Variants in PLCH1 observed in about 807,000 individuals in gnomAD.
PLCH1 encodes the protein phospholipase C eta 1.
Under a neutral mutation model 126.7 loss-of-function variants are expected in PLCH1, and 60 were observed. That is an observed-to-expected ratio of 0.47 (90% CI 0.38 to 0.59). The LOEUF (loss-of-function observed/expected upper bound fraction) is 0.59. PLCH1 is among the 20% of genes least tolerant of loss of function. The pLI is 0.00. For synonymous variants in PLCH1, 719 were observed against 734.9 expected (o/e 0.98, Z 0.35); for missense variants, 1,723 against 2,040.0 (o/e 0.84, Z 2.99).
intron 2 of PLCH1, among the ~76,000 whole-genome samples, chr3:155,618,209 G>A (rs1237138450): frequency 6.6e-6 from 1 of 152,106 alleles, no homozygotes; most frequent in Admixed American, 6.6e-5. Flanking sequence ...TTCTAGTCTT[G>A]TCTCGTTTTT....
chr3:155,561,187 T>C (rs1727543707), intron 8 of PLCH1, among the ~76,000 whole-genome samples: 1 of 151,908 alleles, frequency 6.6e-6, no homozygotes, highest in African/African-American at 2.4e-5. Context: ...ATTGTGCAGG[T>C]TAGTTACATA....
Position 155,684,897 on chromosome 3 carries a change from T to C in PLCH1, c.79+19249A>G, listed in dbSNP as rs534906681. ...GCAGTGTCTCCTTACCTCTTTAGCCTTTCTTCTCATATTATTTCCCCCTAA... is the reference window on the plus strand; with the variant it reads ...GCAGTGTCTCCTTACCTCTTTAGCCCTTCTTCTCATATTATTTCCCCCTAA... On this transcript the variant is annotated intron_variant, in intron 2 of 22. Coordinates refer to ENST00000460012, the MANE Select transcript of PLCH1 (RefSeq NM_014996.4). Among the ~76,000 whole-genome samples the C allele has an allele frequency of 4.7e-4, 71 of 152,340 alleles. No homozygotes were observed. The South Asian group carries it at 5.2e-3, about 11-fold the overall frequency.
intron 2 of PLCH1, among the ~76,000 whole-genome samples, chr3:155,690,956 C>T (rs750208745): frequency 3.3e-5 from 5 of 152,160 alleles, no homozygotes; most frequent in African/African-American, 1.2e-4. Context: ...ACTCTTAGCC[C>T]TCACCCCTAG....
chr3:155,633,609 A>G (rs541729849), intron 2 of PLCH1, among the ~76,000 whole-genome samples: 18 of 152,302 alleles, frequency 1.2e-4, no homozygotes, highest in South Asian at 4.1e-4. Flanking sequence ...AATAAATCAA[A>G]AGATAAATTA....
intron 2 of PLCH1, among the ~76,000 whole-genome samples, chr3:155,640,193 C>G (rs568915398): frequency 6.6e-6 from 1 of 152,316 alleles, no homozygotes; most frequent in East Asian, 1.9e-4. Flanking sequence ...AAAGCAGAGA[C>G]AGTCCACAGA....
At chr3:155,590,103 A>G (rs1168440131) in intron 4 of PLCH1, among the ~76,000 whole-genome samples, 1 of 152,172 alleles carries the variant, frequency 6.6e-6, no homozygotes, top group Non-Finnish European at 1.5e-5. Flanking sequence ...TACTGCAGAA[A>G]TAAGTTACGC....
At chr3:155,622,273 G>A (rs1265512984) in intron 2 of PLCH1, among the ~76,000 whole-genome samples, 1 of 152,094 alleles carries the variant, frequency 6.6e-6, no homozygotes, top group Non-Finnish European at 1.5e-5. Context: ...ACTAGACATG[G>A]AAAAGAACAA....
At chr3:155,627,528 G>A (rs1157390716) in intron 2 of PLCH1, among the ~76,000 whole-genome samples, 1 of 151,896 alleles carries the variant, frequency 6.6e-6, no homozygotes, top group Non-Finnish European at 1.5e-5. Flanking sequence ...CAACTACTTG[G>A]GAGGCTGAGG....
intron 2 of PLCH1, among the ~76,000 whole-genome samples, chr3:155,640,035 A>T (rs1314422923): frequency 6.6e-6 from 1 of 152,238 alleles, no homozygotes; most frequent in Admixed American, 6.5e-5. Context: ...CAGCCTGCAG[A>T]ACTGTGAGTC....
Position 155,514,876 on chromosome 3 carries a change from C to A in PLCH1, c.1479G>T (p.Gly493=). The A allele has an allele frequency of 6.3e-7, 1 of 1,595,302 alleles. No individual in the cohort carries two copies. The highest frequency in any genetic ancestry group is 1.1e-5 in the South Asian group (1 of 89,084). ...ECKFKLHYSN[G]TTEHQVESFI... ...AAGATTCCACCTGATGCTCAGTGGT[C>A]CCATTACTCTGCAAAGAATTAAGTA... The change falls in exon 12 of 23, where the codon GGG becomes GGT. Residue 493 remains glycine, a synonymous_variant. Transcript: ENST00000460012.
At chr3:155,623,090 G>A (rs1038121915) in intron 2 of PLCH1, among the ~76,000 whole-genome samples, 1 of 152,118 alleles carries the variant, frequency 6.6e-6, no homozygotes, top group Non-Finnish European at 1.5e-5. Flanking sequence ...AATCAAATTA[G>A]AACTCAGGAT....
intron 10 of PLCH1, 113 bp from the exon 11 acceptor site, chr3:155,524,117 G>A: frequency 1.4e-6 from 1 of 718,500 alleles, no homozygotes; most frequent in East Asian, 2.5e-5. Flanking sequence ...AAACGTGTAT[G>A]TACATACAAT....
At position 155,594,001 on chromosome 3, in the gene PLCH1, T is replaced by C; in HGVS notation, c.410A>G (p.Tyr137Cys). The change falls in exon 4 of 23, where the codon TAC becomes TGC. Residue 137 changes from tyrosine (Y) to cysteine (C), a missense_variant. Physicochemically the swap from Tyr to Cys is radical, Grantham distance 194. Coordinates refer to ENST00000460012, the MANE Select transcript of PLCH1 (RefSeq NM_014996.4). Reference sequence around the variant, plus strand: ...TTCATCACTGATGCCAGCCATCAGGTACTTGAGGCCTGTGATCCAGGTGCG... The same window carrying C: ...TTCATCACTGATGCCAGCCATCAGGCACTTGAGGCCTGTGATCCAGGTGCG... ...EARTWITGLK[Y>C]LMAGISDEDS... The C allele has an allele frequency of 6.2e-7, 1 of 1,614,004 alleles. No individual in the cohort carries two copies. The highest frequency in any genetic ancestry group is 2.2e-5 in the East Asian group (1 of 44,870).
At chr3:155,724,840 T>TGA (rs1380657746) in intron 1 of PLCH1, among the ~76,000 whole-genome samples, 1 of 151,766 alleles carries the variant, frequency 6.6e-6, no homozygotes. Context: ...TGTGTGTGTG[T>TGA]GTGTGTGTGT....
chr3:155,468,879 C>A (rs1440692479), intron 21 of PLCH1, among the ~76,000 whole-genome samples: 2 of 152,084 alleles, frequency 1.3e-5, no homozygotes, highest in Non-Finnish European at 2.9e-5. Flanking sequence ...AGAAAATCAA[C>A]AAAGAAACAT....
chr3:155,541,643 A>G (rs1724248660), intron 10 of PLCH1, among the ~76,000 whole-genome samples: 1 of 152,200 alleles, frequency 6.6e-6, no homozygotes, highest in Admixed American at 6.5e-5. Context: ...CAATAGTAGC[A>G]TTAAAGATCA....
At chr3:155,714,082 G>T (rs1452199795) in intron 1 of PLCH1, among the ~76,000 whole-genome samples, 1 of 152,132 alleles carries the variant, frequency 6.6e-6, no homozygotes, top group Non-Finnish European at 1.5e-5. Context: ...GAACAGGAAG[G>T]CATAGAAAAA....
intron 2 of PLCH1, among the ~76,000 whole-genome samples, chr3:155,689,771 C>T (rs1745231694): frequency 6.6e-6 from 1 of 151,812 alleles, no homozygotes; most frequent in African/African-American, 2.4e-5. Context: ...TGAAGCACAC[C>T]TATAGGATCT....
chr3:155,663,023 T>A (rs934525576), intron 2 of PLCH1, among the ~76,000 whole-genome samples: 2 of 152,194 alleles, frequency 1.3e-5, no homozygotes, highest in Non-Finnish European at 2.9e-5. Flanking sequence ...AAGTATTAAA[T>A]CTTTTCTTCT....
Sources: allele counts gnomAD v4.1 joint callset (sites outside exome capture counted in the v4.1 genomes callset), GRCh38; gene constraint gnomAD v4.1.1; transcripts MANE v1.5; gene names NCBI Gene and HGNC (gene_info 2026-07-23, HGNC 2026-07-21).